Variants in MTAP observed in about 807,000 individuals in gnomAD.
MTAP encodes the protein methylthioadenosine phosphorylase, also known as S-methyl-5'-thioadenosine phosphorylase.
Under a neutral mutation model 33.6 loss-of-function variants are expected in MTAP, and 33 were observed. The observed-to-expected ratio is 0.98, with a 90% confidence interval of 0.74 to 1.31. The LOEUF is 1.31. MTAP is among the 40% of genes most tolerant of loss of function. MTAP has a pLI of 0.00. For synonymous variants in MTAP, 148 were observed against 125.7 expected (o/e 1.18, Z -1.19); for missense variants, 367 against 360.0 (o/e 1.02, Z -0.16).
intron 1 of MTAP, among the ~76,000 whole-genome samples, chr9:21,895,783 G>A (rs1475204903): frequency 6.6e-6 from 1 of 152,208 alleles, no homozygotes; most frequent in Non-Finnish European, 1.5e-5. Flanking sequence ...CCATTGCTGA[G>A]GCTTGAGTAG....
chr9:21,802,867 A>C (rs779907646), intron 1 of MTAP, 86 bp downstream of exon 1: 7 of 1,561,962 alleles, frequency 4.5e-6, no homozygotes, highest in East Asian at 2.4e-5. Flanking sequence ...TCCGGGGGCC[A>C]TGCGCCCGGC....
chr9:21,832,624 T>C (rs565703000), intron 4 of MTAP, among the ~76,000 whole-genome samples: 1 of 152,344 alleles, frequency 6.6e-6, no homozygotes, highest in South Asian at 2.1e-4. Flanking sequence ...TCTGTAGCTG[T>C]CCTTGAAGTG....
intron 1 of MTAP, among the ~76,000 whole-genome samples, chr9:21,889,713 G>C: frequency 6.6e-6 from 1 of 152,118 alleles, no homozygotes. Context: ...CTGGTACCGA[G>C]GAGTGTCTGC....
At chr9:21,893,517 A>C (rs1356277261) in intron 1 of MTAP, 1 of 152,126 alleles carries the variant, frequency 6.6e-6, no homozygotes, top group Admixed American at 6.6e-5. Flanking sequence ...CTAGACTTAC[A>C]AAAAAAGAGA....
intron 1 of MTAP, among the ~76,000 whole-genome samples, chr9:21,879,830 T>A (rs1425605506): frequency 7.2e-6 from 1 of 138,764 alleles, no homozygotes. Context: ...AGTGGAAGAT[T>A]TTTTTTCTTC....
intron 5 of MTAP, among the ~76,000 whole-genome samples, chr9:21,841,311 A>G (rs1825237837): frequency 6.6e-6 from 1 of 152,228 alleles, no homozygotes; most frequent in South Asian, 2.1e-4. Flanking sequence ...TCCTGGCTGG[A>G]GGCCAGTCAA....
At chr9:21,830,784 G>A (rs1240343036) in intron 4 of MTAP, among the ~76,000 whole-genome samples, 1 of 152,160 alleles carries the variant, frequency 6.6e-6, no homozygotes, top group Admixed American at 6.5e-5. Context: ...AAGTAAATGA[G>A]ACTTAGAGAA....
intron 5 of MTAP, among the ~76,000 whole-genome samples, chr9:21,842,646 T>A (rs1026251308): frequency 6.6e-6 from 1 of 152,216 alleles, no homozygotes; most frequent in African/African-American, 2.4e-5. Context: ...AAGAATTTTG[T>A]ATCCAGTAAA....
intron 1 of MTAP, among the ~76,000 whole-genome samples, chr9:21,909,609 A>C (rs79208402): frequency 6.6e-6 from 1 of 152,122 alleles, no homozygotes; most frequent in Non-Finnish European, 1.5e-5. Flanking sequence ...ATACTAAGCT[A>C]ATAAGTAAGC....
chr9:21,860,532 A>G (rs543514225), intron 7 of MTAP: 52 of 152,342 alleles, frequency 3.4e-4, no homozygotes, highest in African/African-American at 1.2e-3. Context: ...TATTTAATGA[A>G]TAAATGATAC....
chr9:21,827,169 G>A (rs375154015), intron 4 of MTAP, among the ~76,000 whole-genome samples: 2 of 152,288 alleles, frequency 1.3e-5, no homozygotes, highest in East Asian at 3.9e-4. Flanking sequence ...TCTGGGTGAA[G>A]ACAGGAGCCT....
intron 1 of MTAP, among the ~76,000 whole-genome samples, chr9:21,874,805 G>A (rs530700294): frequency 3.3e-5 from 5 of 150,938 alleles, no homozygotes; most frequent in South Asian, 2.1e-4. Flanking sequence ...CCATCAACCC[G>A]TCATCTACAT....
In MTAP at chr9:21,866,789, T is replaced by G. The variant is rs1225720152; in HGVS notation, c.*4775T>G. On this transcript the variant is annotated 3_prime_UTR_variant, in exon 8 of 8. Coordinates refer to ENST00000644715, the MANE Select transcript of MTAP (RefSeq NM_002451.4). Reference sequence around the variant, plus strand: ...AATCTGCTGGAATGGCACTGAATTTTTAGGTCGATTTGGGAAGAATTGACA... The same window carrying G: ...AATCTGCTGGAATGGCACTGAATTTGTAGGTCGATTTGGGAAGAATTGACA... The G allele has an allele frequency of 6.6e-6, 1 of 152,156 alleles. No individual in the cohort carries two copies. Among genetic ancestry groups the G allele is most frequent in the Non-Finnish European group, 1.5e-5 (1 of 68,006 alleles). 9.4% of individuals were successfully genotyped at this position (152,156 alleles called of 1,614,324 possible).
At chr9:21,809,759 A>C (rs979598888) in intron 1 of MTAP, among the ~76,000 whole-genome samples, 1 of 152,224 alleles carries the variant, frequency 6.6e-6, no homozygotes, top group African/African-American at 2.4e-5. Flanking sequence ...CCAACTAATC[A>C]GAATCCCTGA....
At chr9:21,839,841 GAAGT>G (rs1350673840) in intron 5 of MTAP, among the ~76,000 whole-genome samples, 3 of 152,146 alleles carry the variant, frequency 2.0e-5, no homozygotes, top group Non-Finnish European at 2.9e-5. Context: ...TATATACAAA[GAAGT>G]AAGTATGTAA....
chr9:21,882,627 T>C (rs1426967506), intron 1 of MTAP, among the ~76,000 whole-genome samples: 1 of 151,348 alleles, frequency 6.6e-6, no homozygotes, highest in Non-Finnish European at 1.5e-5. Context: ...AACATAATTA[T>C]CAAACTTGAT....
At chr9:21,893,825 C>A in intron 1 of MTAP, 1 of 147,858 alleles carries the variant, frequency 6.8e-6, no homozygotes, top group Non-Finnish European at 1.5e-5. Context: ...ATGTAAAAAA[C>A]AAAAGGTATT....
chr9:21,822,193 G>C lies in MTAP; in HGVS notation c.347+3991G>C, dbSNP rs555962672. On this transcript the variant is annotated intron_variant, in intron 4 of 7. Transcript: ENST00000644715. ...CTAGCTTTTGAATGTGTTTGCTCTT[G>C]CTTCTCTAGTTCTTTTCATTGTGAT... 7.9e-5 allele frequency among the ~76,000 whole-genome samples: 12 copies of C among 152,032 alleles called. No individual in the cohort carries two copies. In the East Asian group the frequency reaches 1.4e-3, roughly 17 times the overall value.
chr9:21,905,653 C>T (rs955488341), intron 1 of MTAP, among the ~76,000 whole-genome samples: 4 of 152,028 alleles, frequency 2.6e-5, no homozygotes, highest in Non-Finnish European at 5.9e-5. Context: ...TCCCAAGTGA[C>T]CCAAAACAAG....
Sources: gnomAD v4.1 joint callset for allele counts (sites outside exome capture counted in the v4.1 genomes callset) on GRCh38, gnomAD v4.1.1 for gene constraint, MANE v1.5 for transcripts, NCBI Gene and HGNC (gene_info 2026-07-23, HGNC 2026-07-21) for gene names.